MUC5B: variants seen among roughly 807,000 people sequenced by gnomAD.
The protein encoded by MUC5B is mucin 5B, oligomeric mucus/gel-forming, also known as mucin-5B.
MUC5B carries 116 observed loss-of-function variants against 376.9 expected under a neutral mutation model. That is an observed-to-expected ratio of 0.31 (90% CI 0.26 to 0.36). The LOEUF is 0.36. MUC5B is among the 10% of genes least tolerant of loss of function. MUC5B has a pLI of 1.00. For missense variants in MUC5B, 7,165 were observed against 7,769.9 expected, an observed-to-expected ratio of 0.92 and a Z score of 2.93; for synonymous variants, 3,517 against 3,390.9, an observed-to-expected ratio of 1.04 and a Z score of -1.29.
At position 1,247,484 on chromosome 11, in the gene MUC5B, G is replaced by GCACCTCCAGGAC; in HGVS notation, c.10608_10619dup (p.Ser3537_Thr3540dup). On this transcript the variant is annotated inframe_insertion, in exon 31 of 49. Coordinates refer to ENST00000529681, the MANE Select transcript of MUC5B (RefSeq NM_002458.3). ...ACGACCACCCCGGGCCACACCAGGG[G>GCACCTCCAGGAC]CACCTCCAGGACCACAGCCACAGCC... 1 of 1,605,226 alleles carries GCACCTCCAGGAC rather than the reference G, an allele frequency of 6.2e-7. No individual in the cohort carries two copies. The highest frequency in any genetic ancestry group is 8.5e-7 in the Non-Finnish European group (1 of 1,176,524).
chr11:1,242,318 A>C lies in MUC5B; in HGVS notation c.5438A>C (p.Asn1813Thr). The change falls in exon 31 of 49, where the codon AAC becomes ACC. Residue 1813 changes from asparagine to threonine, a missense_variant. By Grantham distance (65) the Asn-to-Thr change is moderately conservative. Transcript: ENST00000529681. The stretch of plus-strand genomic sequence containing the variant: ...GGCGGGGACATGGAAACTTTTGAAA[A>C]CATCAGGGCTGCTGGGGGCAAGATG... ...VAGGDMETFE[N>T]IRAAGGKMCW... is the part of the protein sequence containing the mutation. 6.2e-7 allele frequency: 1 copy of C among 1,613,812 alleles called. No individual in the cohort carries two copies.
chr11:1,229,737 C>A lies in MUC5B; in HGVS notation c.1150C>A (p.Gln384Lys). The A allele has an allele frequency of 6.3e-7, 1 of 1,599,208 alleles. No homozygotes were observed. The highest frequency in any genetic ancestry group is 8.5e-7 in the Non-Finnish European group (1 of 1,175,022). ...GCACTCTGGCTGCCTGCCCCTCGGG[C>A]AGTGCCCCTGCACCCACGGCGGCCG... Reference protein sequence around the residue: ...ITHSGCLPLGQCPCTHGGRTY... With the variant: ...ITHSGCLPLGKCPCTHGGRTY... Residue 384 changes from glutamine to lysine, a missense_variant, in exon 10 of 49, where the codon CAG becomes AAG. By Grantham distance (53) the Gln-to-Lys change is moderately conservative (BLOSUM62 1). Coordinates refer to ENST00000529681, the MANE Select transcript of MUC5B (RefSeq NM_002458.3).
In MUC5B at chr11:1,229,225, C is replaced by T. The variant is rs746249087; in HGVS notation, c.1032C>T (p.Asp344=). 6.3e-7 allele frequency: 1 copy of T among 1,599,786 alleles called. No individual in the cohort carries two copies. Among genetic ancestry groups the T allele is most frequent in the Middle Eastern group, 1.7e-4 (1 of 6,060 alleles). ...AGGAGTGTGGCTCACCCTGCACGGA[C>T]ACCTGCTCCAACCCCCAGCGCGCGC... ...QHQECGSPCT[D]TCSNPQRAQL... is the part of the protein sequence containing the mutation. Residue 344 remains aspartate (D), a synonymous_variant, in exon 9 of 49, where the codon GAC becomes GAT. Transcript: ENST00000529681.
chr11:1,233,503 C>T (rs1456936042), intron 18 of MUC5B, among the ~76,000 whole-genome samples: 1 of 152,190 alleles, frequency 6.6e-6, no homozygotes, highest in Non-Finnish European at 1.5e-5. Context: ...GCTGGGTCCA[C>T]ATGGCAGCCC....
chr11:1,231,569 G>C lies in MUC5B; in HGVS notation c.1678+9G>C. On this transcript the variant is annotated intron_variant, in intron 14 of 48. Transcript: ENST00000529681. ...CCAGGGCCAGATGTGCGGTGAGGCT[G>C]GGCAGGGGCCTTCGGGGACAGGGCC... 6.4e-7 allele frequency: 1 copy of C among 1,563,588 alleles called. No homozygotes were observed.
At chr11:1,231,951 T>C (rs780886659) in intron 14 of MUC5B, 45 bp from the exon 15 acceptor site, 1 of 1,610,056 alleles carries the variant, frequency 6.2e-7, no homozygotes, top group Non-Finnish European at 8.5e-7. Context: ...AGGAGCCAGG[T>C]GGGCCCAACA....
chr11:1,258,257 G>C lies in MUC5B; in HGVS notation c.16555+54G>C. On this transcript the variant is annotated intron_variant, in intron 42 of 48. Coordinates refer to ENST00000529681, the MANE Select transcript of MUC5B (RefSeq NM_002458.3). This position sits in a 1 kb window ranked among gnomAD's most constrained non-coding sequence, Gnocchi z 5.5. ...GTGGCCTCTTGCTGGGGGTGGGGGA[G>C]TGCAGGATGGTGGGGGCGCTGGAGC... The C allele has an allele frequency of 7.0e-6, 11 of 1,579,814 alleles. No individual in the cohort carries two copies. Among genetic ancestry groups the C allele is most frequent in the Non-Finnish European group, 5.2e-6 (6 of 1,162,458 alleles).
Position 1,228,724 on chromosome 11 carries a change from C to T in MUC5B, c.935C>T (p.Ala312Val), listed in dbSNP as rs1409842981. 1.0e-5 allele frequency: 16 copies of T among 1,524,046 alleles called. 1 individual carries two copies. The highest frequency in any genetic ancestry group is 7.4e-5 in the East Asian group (3 of 40,510). The allele number at this position is 1,524,046 out of a possible 1,614,324, so 94.4% of individuals were successfully genotyped here. A position where few individuals can be genotyped will look rare whatever the true frequency, so the allele number is the denominator to read the frequency against. ...GAATACTCACGCCAGTGCGCCCACG[C>T]GGGGGGCCAGCCGCGGAACTGGAGG... is the stretch of plus-strand genomic sequence containing the variant. ...FVEYSRQCAH[A>V]GGQPRNWRCP... is the part of the protein sequence containing the mutation. The change falls in exon 8 of 49, where the codon GCG becomes GTG. Residue 312 changes from alanine to valine, a missense_variant. Ala to Val is a moderately conservative substitution (Grantham distance 64). Coordinates refer to ENST00000529681, the MANE Select transcript of MUC5B (RefSeq NM_002458.3).
chr11:1,242,542 A>C lies in MUC5B; in HGVS notation c.5662A>C (p.Thr1888Pro). The C allele has an allele frequency of 6.2e-7, 1 of 1,613,692 alleles. No homozygotes were observed. The highest frequency in any genetic ancestry group is 8.5e-7 in the Non-Finnish European group (1 of 1,179,772). Residue 1888 changes from threonine to proline, a missense_variant, in exon 31 of 49, where the codon ACC becomes CCC. Physicochemically the swap from Thr to Pro is conservative, Grantham distance 38. This residue lies in a region of MUC5B where 897 missense variants were observed against 779.6 expected (regional missense o/e 1.15). Transcript: ENST00000529681. ...TGACGACTACAGCCACTGCCCCAGT[A>C]CCCCAGCCACCAGCTCCACGGCCAC... is the stretch of plus-strand genomic sequence containing the variant. The part of the protein sequence containing the change: ...CCDDYSHCPS[T>P]PATSSTATPS...
At chr11:1,251,930 G>A (rs138086911) in intron 31 of MUC5B, among the ~76,000 whole-genome samples, 187 bp downstream of exon 31, 2,969 of 149,218 alleles carry the variant, frequency 0.02, 45 homozygotes, top group Non-Finnish European at 0.028. Flanking sequence ...GCCACAATCC[G>A]TCCGCACTGG....
At position 1,243,134 on chromosome 11, in the gene MUC5B, C is replaced by A. The variant is rs776943472; in HGVS notation, c.6254C>A (p.Thr2085Asn). ...ATCAGCACAACCACCACACCCACAA[C>A]CAGAGGCTCCACGGTGACCCCCTCC... ...VWISTTTTPT[T>N]RGSTVTPSSI... Residue 2085 changes from threonine to asparagine, a missense_variant, in exon 31 of 49, where the codon ACC becomes AAC. By Grantham distance (65) the Thr-to-Asn change is moderately conservative. This residue lies in a region of MUC5B where 897 missense variants were observed against 779.6 expected (regional missense o/e 1.15). Transcript: ENST00000529681. 1.2e-6 allele frequency: 2 copies of A among 1,610,220 alleles called. No individual in the cohort carries two copies. Among genetic ancestry groups the A allele is most frequent in the Non-Finnish European group, 1.7e-6 (2 of 1,178,336 alleles).
Position 1,232,490 on chromosome 11 carries a change from C to T in MUC5B, c.1884C>T (p.Pro628=), listed in dbSNP as rs1256442459. 1 of 1,610,954 alleles carries T rather than the reference C, an allele frequency of 6.2e-7. No individual in the cohort carries two copies. Among genetic ancestry groups the T allele is most frequent in the Admixed American group, 1.7e-5 (1 of 59,850 alleles). ...ACTGGTGCTCGCGCCTGACCGATCC[C>T]AACAGTGCCTTCTCGCGCTGCCACT... ...ARHWCSRLTD[P]NSAFSRCHSI... is the part of the protein sequence containing the mutation. The change falls in exon 16 of 49, where the codon CCC becomes CCT. Residue 628 remains proline, a synonymous_variant. Transcript: ENST00000529681.
rs1234814839 is a variant in MUC5B at position 1,235,312 on chromosome 11, G to A, written c.2779G>A (p.Gly927Arg). 1.2e-6 allele frequency: 2 copies of A among 1,612,840 alleles called. No individual in the cohort carries two copies. Among genetic ancestry groups the A allele is most frequent in the South Asian group, 2.2e-5 (2 of 91,072 alleles). Residue 927 changes from glycine to arginine, a missense_variant, in exon 23 of 49, where the codon GGG becomes AGG. Gly to Arg is a moderately radical substitution (Grantham distance 125). Transcript: ENST00000529681. ...TCTCTTTCTGGCCCAGGACTACTGT[G>A]GGGACAACACCACCCACGGGACCTT... ...CEYILAQDYC[G>R]DNTTHGTFRI... is the part of the protein sequence containing the mutation.
chr11:1,234,709 G>A lies in MUC5B; in HGVS notation c.2630+29G>A. On this transcript the variant is annotated intron_variant, in intron 21 of 48. Transcript: ENST00000529681. The surrounding 1 kb of genome is among the most constrained non-coding windows in gnomAD (Gnocchi z 6.3). ...GGTCGTGAGTCTCTCGGAGGCAGCA[G>A]GTGGGGAGGGCGGGGGCGGGGAGGG... 7.0e-7 allele frequency: 1 copy of A among 1,428,648 alleles called. No individual in the cohort carries two copies. The highest frequency in any genetic ancestry group is 9.3e-7 in the Non-Finnish European group (1 of 1,079,554). 88.5% of individuals were successfully genotyped at this position (1,428,648 alleles called of 1,614,324 possible). A position where few individuals can be genotyped will look rare whatever the true frequency, so the allele number is the denominator to read the frequency against.
intron 26 of MUC5B, 198 bp from the exon 27 acceptor site, chr11:1,239,240 G>C (rs1321059003): frequency 1.4e-5 from 13 of 896,558 alleles, no homozygotes; most frequent in Non-Finnish European, 2.2e-5. Flanking sequence ...ACAGCTCCTA[G>C]GGGACAAGAG....
At chr11:1,254,967 T>A in intron 35 of MUC5B, 74 bp from the exon 36 acceptor site, 1 of 354,468 alleles carries the variant, frequency 2.8e-6, no homozygotes, top group Non-Finnish European at 4.6e-6. Flanking sequence ...GGGAGGGGAA[T>A]GAGTGGGGGA....
At chr11:1,231,888 C>T in intron 14 of MUC5B, 108 bp from the exon 15 acceptor site, 2 of 1,442,618 alleles carry the variant, frequency 1.4e-6, no homozygotes, top group Non-Finnish European at 1.9e-6. Flanking sequence ...AATCCTGGGA[C>T]AGGGCTCCCA....
rs1237731469 is a variant in MUC5B, at chr11:1,241,847, G to T, written c.4967G>T (p.Gly1656Val). 2 of 1,613,354 alleles carry T rather than the reference G, an allele frequency of 1.2e-6. No individual in the cohort carries two copies. The highest frequency in any genetic ancestry group is 1.1e-5 in the South Asian group (1 of 91,014). The change falls in exon 31 of 49, where the codon GGA becomes GTA. Residue 1656 changes from glycine (G) to valine (V), a missense_variant. Gly to Val is a moderately radical substitution (Grantham distance 109). This residue lies in a region of MUC5B where 897 missense variants were observed against 779.6 expected (regional missense o/e 1.15). Coordinates refer to ENST00000529681, the MANE Select transcript of MUC5B (RefSeq NM_002458.3). Reference sequence around the variant, plus strand: ...ACAGCAGTCCCCACCCTCTCAGAAGGACTGACATCCCCCAGATACACAAGC... The same window carrying T: ...ACAGCAGTCCCCACCCTCTCAGAAGTACTGACATCCCCCAGATACACAAGC... ...STTAVPTLSE[G>V]LTSPRYTSTL...
rs1862001284 is a variant in MUC5B, at chr11:1,230,494, G to A, written c.1364G>A (p.Cys455Tyr). 6 of 1,605,134 alleles carry A rather than the reference G, an allele frequency of 3.7e-6. No homozygotes were observed. The highest frequency in any genetic ancestry group is 5.1e-6 in the Non-Finnish European group (6 of 1,175,614). ...GDCSYVLSKK[C>Y]ADSSFTVLAE... ...CGCGTGGGTCCTTCTCCCCAGAAAT[G>A]TGCCGACAGCAGCTTCACCGTGCTG... is the stretch of plus-strand genomic sequence containing the variant. The change falls in exon 12 of 49, where the codon TGT (cysteine) becomes TAT (tyrosine). Residue 455 changes from cysteine to tyrosine, a missense_variant. Cys to Tyr is a radical substitution (Grantham distance 194). Coordinates refer to ENST00000529681, the MANE Select transcript of MUC5B (RefSeq NM_002458.3).
Sources: allele counts gnomAD v4.1 joint callset (sites outside exome capture counted in the v4.1 genomes callset), GRCh38; gene constraint gnomAD v4.1.1; regional missense constraint gnomAD v4.1.1; non-coding constraint Gnocchi (gnomAD v3.1); transcripts MANE v1.5; gene names NCBI Gene and HGNC (gene_info 2026-07-23, HGNC 2026-07-21).